RFC1: variants seen among roughly 807,000 people sequenced by gnomAD.
RFC1 encodes A1 140 kDa subunit.
Under a neutral mutation model 137.4 loss-of-function variants are expected in RFC1, and 37 were observed. The observed-to-expected ratio is 0.27, with a 90% CI of 0.21 to 0.35. The LOEUF is 0.35. Among genes scored for constraint, RFC1 ranks in the 10% least tolerant of loss-of-function variants. The pLI, the probability that RFC1 is intolerant of heterozygous loss-of-function variation, is 1.00. For missense variants in RFC1, 1,205 were observed against 1,358.5 expected (o/e 0.89, Z 1.78); for synonymous variants, 429 against 455.7 (o/e 0.94, Z 0.75).
chr4:39,305,462 G>T (rs1738589926), intron 14 of RFC1, among the ~76,000 whole-genome samples: 1 of 152,098 alleles, frequency 6.6e-6, no homozygotes, highest in Non-Finnish European at 1.5e-5. Context: ...CAAAAAATTA[G>T]CTGGGCGTGG....
intron 13 of RFC1, among the ~76,000 whole-genome samples, chr4:39,307,873 T>C (rs17335201): frequency 0.013 from 1,954 of 152,308 alleles, 45 homozygotes; most frequent in African/African-American, 0.043. Context: ...TTTTTATAAA[T>C]AAACAGGCAT....
rs1258732166 is a variant in RFC1 at position 39,290,025 on chromosome 4, G to C, written c.3183C>G (p.Phe1061Leu). The C allele has an allele frequency of 6.2e-7, 1 of 1,612,464 alleles. No homozygotes were observed. The highest frequency in any genetic ancestry group is 1.3e-5 in the African/African-American group (1 of 74,828). Reference protein sequence around the residue: ...SKLDPKVKAAFTRAYNKEAHL... With the variant: ...SKLDPKVKAALTRAYNKEAHL... ...GGGCTTCCTTATTGTAAGCTCTTGT[G>C]AAGGCTGCTTTCACCTATATGAAAG... The change falls in exon 24 of 25, where the codon TTC becomes TTG. Residue 1061 changes from phenylalanine (F) to leucine (L), a missense_variant. Physicochemically the swap from Phe to Leu is conservative, Grantham distance 22 (BLOSUM62 0). Coordinates refer to ENST00000349703, the MANE Select transcript of RFC1 (RefSeq NM_002913.5).
intron 1 of RFC1, among the ~76,000 whole-genome samples, chr4:39,353,422 TA>T (rs1332622799): frequency 1.4e-4 from 15 of 105,480 alleles, no homozygotes; most frequent in Non-Finnish European, 2.3e-4. Context: ...AAAAAAAAAT[TA>T]AAAAAAAAGA....
intron 22 of RFC1, among the ~76,000 whole-genome samples, chr4:39,295,134 C>A (rs1407183911): frequency 6.6e-6 from 1 of 152,248 alleles, no homozygotes; most frequent in East Asian, 1.9e-4. Flanking sequence ...CAAGCACATT[C>A]ATTTTCAATG....
intron 7 of RFC1, among the ~76,000 whole-genome samples, chr4:39,322,570 T>G (rs1330982931): frequency 6.6e-6 from 1 of 152,308 alleles, no homozygotes; most frequent in South Asian, 2.1e-4. Context: ...AGAATTTTTA[T>G]GAGCATTATT....
chr4:39,292,162 T>C (rs754621465), intron 22 of RFC1: 3 of 316,956 alleles, frequency 9.5e-6, no homozygotes, highest in Non-Finnish European at 1.8e-5. Context: ...TTTGTGTTCA[T>C]AAATATGACT....
At chr4:39,348,704 C>G (rs1741033613) in intron 2 of RFC1, among the ~76,000 whole-genome samples, 1 of 152,016 alleles carries the variant, frequency 6.6e-6, no homozygotes, top group Non-Finnish European at 1.5e-5. Flanking sequence ...CAGAGATCAA[C>G]CATCAGAACT....
At chr4:39,304,746 G>T in intron 15 of RFC1, 68 bp downstream of exon 15, 3 of 927,670 alleles carry the variant, frequency 3.2e-6, no homozygotes, top group Non-Finnish European at 5.4e-6. Flanking sequence ...TTCAATACTG[G>T]TTACTGAACA....
At position 39,317,019 on chromosome 4, in the gene RFC1, C is replaced by T. The variant is rs201630129; in HGVS notation, c.1099G>A (p.Val367Ile). Residue 367 changes from valine to isoleucine, a missense_variant, in exon 10 of 25, where the codon GTA becomes ATA. Transcript: ENST00000349703. ...TTCTTTTCAGAATCTTCAGGACTTACAGACTTTGGGAACAGGGAAAGGAAA... is the reference window on the plus strand; with the variant it reads ...TTCTTTTCAGAATCTTCAGGACTTATAGACTTTGGGAACAGGGAAAGGAAA... ...TKSSPAKKES[V>I]SPEDSEKKRT... The T allele has an allele frequency of 1.2e-6, 2 of 1,608,268 alleles. No individual in the cohort carries two copies. The highest frequency in any genetic ancestry group is 1.3e-5 in the African/African-American group (1 of 74,944).
Position 39,300,364 on chromosome 4 carries a change from A to G in RFC1, c.2586T>C (p.Ala862=), listed in dbSNP as rs747260631. The part of the protein sequence containing the change: ...RKVFAAGEET[A]HMSLVDKSDL... Reference sequence around the variant, plus strand: ...CTGACTTGTCCACAAGTGACATGTGAGCAGTCTCCTCTCCAGCTGCAAACA... The same window carrying G: ...CTGACTTGTCCACAAGTGACATGTGGGCAGTCTCCTCTCCAGCTGCAAACA... The change falls in exon 20 of 25, where the codon GCT becomes GCC. Residue 862 remains alanine, a synonymous_variant. Coordinates refer to ENST00000349703, the MANE Select transcript of RFC1 (RefSeq NM_002913.5). The G allele has an allele frequency of 6.2e-6, 10 of 1,613,994 alleles. No homozygotes were observed. Among genetic ancestry groups the G allele is most frequent in the Non-Finnish European group, 8.5e-6 (10 of 1,179,926 alleles).
chr4:39,329,423 C>G (rs1392690918), intron 4 of RFC1, among the ~76,000 whole-genome samples: 1 of 151,916 alleles, frequency 6.6e-6, no homozygotes, highest in Non-Finnish European at 1.5e-5. Flanking sequence ...AACCCCATCT[C>G]TACTAAAATT....
In RFC1 at chr4:39,288,744, G is replaced by A. The variant is rs183723039; in HGVS notation, c.*17C>T. Reference sequence around the variant, plus strand: ...GGAGGGAGAGTAAAAAGTGGCTGTCGCTAGTGAAAAATGGTTTCATTTCTT... The same window carrying A: ...GGAGGGAGAGTAAAAAGTGGCTGTCACTAGTGAAAAATGGTTTCATTTCTT... On this transcript the variant is annotated 3_prime_UTR_variant, in exon 25 of 25. Coordinates refer to ENST00000349703, the MANE Select transcript of RFC1 (RefSeq NM_002913.5). The A allele has an allele frequency of 9.5e-5, 146 of 1,544,168 alleles. No individual in the cohort carries two copies. In the Admixed American group the frequency reaches 1.8e-3, roughly 19 times the overall value.
At chr4:39,325,724 G>A (rs6815859) in intron 6 of RFC1, among the ~76,000 whole-genome samples, 70,021 of 151,874 alleles carry the variant, frequency 0.46, 16,297 homozygotes, top group Middle Eastern at 0.49. Flanking sequence ...CATCCAATCT[G>A]TCAAAAAGAA....
At chr4:39,328,180 C>T (rs1739880450) in intron 4 of RFC1, among the ~76,000 whole-genome samples, 1 of 151,902 alleles carries the variant, frequency 6.6e-6, no homozygotes, top group African/African-American at 2.4e-5. Context: ...CTTTTTCCCC[C>T]TATCTCCAAA....
intron 14 of RFC1, among the ~76,000 whole-genome samples, chr4:39,306,142 A>G (rs922124178): frequency 6.6e-6 from 1 of 152,230 alleles, no homozygotes; most frequent in African/African-American, 2.4e-5. Flanking sequence ...ACAGTGCTGA[A>G]GAGCAGAACC....
intron 4 of RFC1, among the ~76,000 whole-genome samples, chr4:39,340,860 G>A (rs988805592): frequency 6.6e-6 from 1 of 152,080 alleles, no homozygotes; most frequent in African/African-American, 2.4e-5. Context: ...ATCTGAGACA[G>A]GTACATCATA....
intron 2 of RFC1, among the ~76,000 whole-genome samples, chr4:39,348,430 A>AAAGG (rs1740985191): frequency 7.6e-5 from 3 of 39,636 alleles, no homozygotes; most frequent in Non-Finnish European, 1.3e-4. Flanking sequence ...TTCAAAAAAG[A>AAAGG]AAAGAAAAGA....
At chr4:39,344,192 C>T (rs1158440232) in intron 3 of RFC1, among the ~76,000 whole-genome samples, 1 of 151,652 alleles carries the variant, frequency 6.6e-6, no homozygotes, top group Non-Finnish European at 1.5e-5. Flanking sequence ...TCCACAAAAG[C>T]AAAAACTGAA....
At chr4:39,301,255 A>G (rs1738345779) in intron 19 of RFC1, among the ~76,000 whole-genome samples, 1 of 152,216 alleles carries the variant, frequency 6.6e-6, no homozygotes, top group South Asian at 2.1e-4. Flanking sequence ...TGAAAGGATC[A>G]GTGGCTGCCA....
Sources: gnomAD v4.1 joint callset for allele counts (sites outside exome capture counted in the v4.1 genomes callset) on GRCh38, gnomAD v4.1.1 for gene constraint, MANE v1.5 for transcripts, NCBI Gene and HGNC (gene_info 2026-07-23, HGNC 2026-07-21) for gene names.